Variants in TLL1 observed in about 807,000 individuals in gnomAD.
TLL1 encodes the protein tolloid-like protein 1.
Under a neutral mutation model 128.2 loss-of-function variants are expected in TLL1, and 49 were observed. The observed-to-expected ratio is 0.38, with a 90% CI of 0.30 to 0.48. The LOEUF (loss-of-function observed/expected upper bound fraction) is 0.48. Ranked by LOEUF, TLL1 falls within the 20% of genes least tolerant of loss-of-function variation. TLL1 has a pLI of 0.96. For synonymous variants in TLL1, 454 were observed against 418.8 expected, an observed-to-expected ratio of 1.08 and a Z score of -1.03; for missense variants, 1,123 against 1,242.0, an observed-to-expected ratio of 0.90 and a Z score of 1.44.
intron 12 of TLL1, among the ~76,000 whole-genome samples, chr4:166,049,720 A>G (rs901354397): frequency 6.6e-6 from 1 of 150,758 alleles, no homozygotes; most frequent in African/African-American, 2.4e-5. Flanking sequence ...ATAATTTAAA[A>G]TAATTATGTT....
rs1171247703 is a variant in TLL1 at position 166,057,192 on chromosome 4, G to C, written c.1729G>C (p.Glu577Gln). ...FAANFFKEED[E>Q]CAKPDRGGCE... is the part of the protein sequence containing the mutation. The stretch of plus-strand genomic sequence containing the variant: ...TATGACCATTTTCATAGAGGAAGAT[G>C]AGTGTGCCAAACCTGACCGTGGAGG... The change falls in exon 14 of 21, where the codon GAG becomes CAG. Residue 577 changes from glutamate (E) to glutamine (Q), a missense_variant. By Grantham distance (29) the Glu-to-Gln change is conservative. Transcript: ENST00000061240. 6.2e-7 allele frequency: 1 copy of C among 1,613,826 alleles called. No individual in the cohort carries two copies. The highest frequency in any genetic ancestry group is 8.5e-7 in the Non-Finnish European group (1 of 1,179,890).
chr4:165,973,053 A>G (rs1223520658), intron 1 of TLL1, among the ~76,000 whole-genome samples: 3 of 152,112 alleles, frequency 2.0e-5, no homozygotes, highest in African/African-American at 4.8e-5. Context: ...TATTTCTTCC[A>G]GGAGCTGTCT....
At chr4:165,921,370 T>C (rs573144310) in intron 1 of TLL1, among the ~76,000 whole-genome samples, 1 of 152,330 alleles carries the variant, frequency 6.6e-6, no homozygotes, top group East Asian at 1.9e-4. Flanking sequence ...TAGGCTAAAA[T>C]GCATGGCATA....
intron 1 of TLL1, among the ~76,000 whole-genome samples, chr4:165,919,116 T>G (rs528910366): frequency 1.5e-4 from 23 of 152,124 alleles, no homozygotes; most frequent in Non-Finnish European, 2.8e-4. Flanking sequence ...GCACAGTGGC[T>G]CACACCTGTA....
chr4:166,055,687 C>A (rs184075482), intron 13 of TLL1, among the ~76,000 whole-genome samples: 58 of 152,228 alleles, frequency 3.8e-4, no homozygotes, highest in Non-Finnish European at 3.2e-4. Flanking sequence ...TAATTTATGA[C>A]CTCCTTAGCA....
intron 16 of TLL1, among the ~76,000 whole-genome samples, chr4:166,068,771 G>A (rs1016414906): frequency 1.6e-4 from 25 of 151,910 alleles, no homozygotes; most frequent in East Asian, 9.7e-4. Context: ...CAGGAAAATC[G>A]TAAATAAGTT....
intron 9 of TLL1, among the ~76,000 whole-genome samples, chr4:166,035,674 G>C (rs1397698844): frequency 6.6e-6 from 1 of 152,052 alleles, no homozygotes; most frequent in African/African-American, 2.4e-5. Flanking sequence ...CTGAACAAAA[G>C]CTTAATGATC....
intron 19 of TLL1, among the ~76,000 whole-genome samples, chr4:166,093,818 T>C (rs1741895823): frequency 6.6e-6 from 1 of 152,144 alleles, no homozygotes; most frequent in African/African-American, 2.4e-5. Flanking sequence ...GCGATGACTT[T>C]TACCAAGCAT....
Position 166,101,020 on chromosome 4 carries a change from T to A in TLL1, c.*144T>A. The A allele has an allele frequency of 9.2e-7, 1 of 1,084,016 alleles. No individual in the cohort carries two copies. The highest frequency in any genetic ancestry group is 1.3e-6 in the Non-Finnish European group (1 of 758,360). 67.1% of individuals were successfully genotyped at this position (1,084,016 alleles called of 1,614,324 possible). A position where few individuals can be genotyped will look rare whatever the true frequency, so the allele number is the denominator to read the frequency against. On this transcript the variant is annotated 3_prime_UTR_variant, in exon 21 of 21. Transcript: ENST00000061240. ...TGTAAGACCAGAATTATCTTTGTAC[T>A]AAAAGAGAAGTTTCCAGCAAAACCC...
At chr4:166,031,758 C>T (rs1472683) in intron 9 of TLL1, among the ~76,000 whole-genome samples, 23,540 of 151,966 alleles carry the variant, frequency 0.15, 2,258 homozygotes, top group African/African-American at 0.27. Flanking sequence ...TTAGCAAAAA[C>T]CTGTCTCAAA....
chr4:165,945,463 C>G (rs1015140149), intron 1 of TLL1, among the ~76,000 whole-genome samples: 4 of 151,920 alleles, frequency 2.6e-5, no homozygotes, highest in Non-Finnish European at 5.9e-5. Context: ...CATCAGAGGG[C>G]AGAGATAATG....
At chr4:165,891,526 A>G (rs1329967607) in intron 1 of TLL1, among the ~76,000 whole-genome samples, 2 of 152,082 alleles carry the variant, frequency 1.3e-5, no homozygotes, top group Non-Finnish European at 2.9e-5. Context: ...GATACCCTAA[A>G]TCATTTCTCT....
chr4:166,086,982 G>GA (rs928914488), intron 18 of TLL1, among the ~76,000 whole-genome samples: 15 of 151,916 alleles, frequency 9.9e-5, no homozygotes, highest in Admixed American at 7.2e-4. Context: ...GATGCTTGGG[G>GA]AAAAAAAAGT....
chr4:165,919,790 T>C (rs1459630470), intron 1 of TLL1: 1 of 455,996 alleles, frequency 2.2e-6, no homozygotes, highest in East Asian at 6.9e-5. Flanking sequence ...AGGCCTTGTT[T>C]AAAACACTCA....
At chr4:165,913,192 C>A (rs1325089446) in intron 1 of TLL1, among the ~76,000 whole-genome samples, 1 of 152,134 alleles carries the variant, frequency 6.6e-6, no homozygotes, top group Non-Finnish European at 1.5e-5. Flanking sequence ...TTAAAGTCTT[C>A]TGTGAAAATG....
chr4:165,926,756 C>T (rs1290595133), intron 1 of TLL1, among the ~76,000 whole-genome samples: 1 of 152,132 alleles, frequency 6.6e-6, no homozygotes, highest in Non-Finnish European at 1.5e-5. Flanking sequence ...AAGCCAGACT[C>T]CAAGAATTCC....
At chr4:166,015,325 C>T (rs1737885019) in intron 8 of TLL1, among the ~76,000 whole-genome samples, 1 of 151,966 alleles carries the variant, frequency 6.6e-6, no homozygotes, top group Non-Finnish European at 1.5e-5. Context: ...TTGTAGAATT[C>T]ACTTTTGGAA....
intron 1 of TLL1, among the ~76,000 whole-genome samples, chr4:165,895,833 G>A (rs1190937434): frequency 2.0e-5 from 3 of 152,070 alleles, no homozygotes; most frequent in Middle Eastern, 3.4e-3. Flanking sequence ...CAACAGATAC[G>A]TAAATAGAAT....
chr4:166,057,370 A>G, intron 14 of TLL1, 61 bp downstream of exon 14: 1 of 1,586,944 alleles, frequency 6.3e-7, no homozygotes, highest in Non-Finnish European at 8.6e-7. Context: ...TTATATTCTC[A>G]TTCTCTGTCT....
Sources: gnomAD v4.1 joint callset for allele counts (sites outside exome capture counted in the v4.1 genomes callset) on GRCh38, gnomAD v4.1.1 for gene constraint, MANE v1.5 for transcripts, NCBI Gene and HGNC (gene_info 2026-07-23, HGNC 2026-07-21) for gene names.